Variants in CADPS observed in about 807,000 individuals in gnomAD.
CADPS encodes calcium-dependent secretion activator 1.
CADPS carries 57 observed loss-of-function variants against 167.3 expected under a neutral mutation model. That is an observed-to-expected ratio of 0.34 (90% CI 0.28 to 0.42). CADPS has a LOEUF of 0.42. Among genes scored for constraint, CADPS ranks in the 20% least tolerant of loss-of-function variants. CADPS has a pLI of 1.00. For synonymous variants in CADPS, 676 were observed against 635.3 expected, an observed-to-expected ratio of 1.06 and a Z score of -0.96; for missense variants, 1,414 against 1,738.1, an observed-to-expected ratio of 0.81 and a Z score of 3.32.
At chr3:62,649,485 A>G (rs1482776770) in intron 5 of CADPS, among the ~76,000 whole-genome samples, 2 of 130,594 alleles carry the variant, frequency 1.5e-5, no homozygotes, top group Non-Finnish European at 3.2e-5. Flanking sequence ...TCCACTTCCT[A>G]TTTCTGTAGA....
In CADPS at chr3:62,557,480, G is replaced by A; in HGVS notation, c.1678C>T (p.Arg560Trp). Residue 560 changes from arginine to tryptophan, a missense_variant, in exon 10 of 30, where the codon CGG (arginine) becomes TGG (tryptophan). This residue lies in a region of CADPS where 157 missense variants were observed against 229.4 expected (regional missense o/e 0.68). Coordinates refer to ENST00000383710, the MANE Select transcript of CADPS (RefSeq NM_003716.4). ...TCCTGAGGCTCCGCTTTCTTCTCCC[G>A]ATAACTGCACATGGCAAACGTGTAC... Reference protein sequence around the residue: ...SQYTFAMCSYREKKAEPQELL... With the variant: ...SQYTFAMCSYWEKKAEPQELL... The A allele has an allele frequency of 1.2e-6, 2 of 1,613,948 alleles. No individual in the cohort carries two copies. The highest frequency in any genetic ancestry group is 1.7e-6 in the Non-Finnish European group (2 of 1,179,882).
intron 1 of CADPS, among the ~76,000 whole-genome samples, chr3:62,844,771 T>C (rs532824906): frequency 4.6e-5 from 7 of 152,298 alleles, no homozygotes; most frequent in Non-Finnish European, 1.0e-4. Flanking sequence ...AGTCACTACT[T>C]TTTTAATGGT....
intron 11 of CADPS, among the ~76,000 whole-genome samples, chr3:62,547,184 G>A (rs1052987945): frequency 4.6e-5 from 7 of 152,068 alleles, no homozygotes; most frequent in Non-Finnish European, 1.0e-4. Flanking sequence ...TCTGTTGCAG[G>A]GATAATAAAG....
Position 62,491,499 on chromosome 3 carries a change from AG to A in CADPS, c.2885-20del, listed in dbSNP as rs1561164564. 6.2e-7 allele frequency: 1 copy of A among 1,611,492 alleles called. No individual in the cohort carries two copies. The highest frequency in any genetic ancestry group is 2.2e-5 in the East Asian group (1 of 44,804). Reference sequence around the variant, plus strand: ...AAATTATCTAGAACAGATAAGCAAAAGCTTGTTAAGAACCCACAGCTACTTT... The same window carrying A: ...AAATTATCTAGAACAGATAAGCAAAACTTGTTAAGAACCCACAGCTACTTT... On this transcript the variant is annotated intron_variant, in intron 20 of 29. Transcript: ENST00000383710.
intron 2 of CADPS, among the ~76,000 whole-genome samples, chr3:62,754,687 G>A (rs2083460963): frequency 6.6e-6 from 1 of 152,112 alleles, no homozygotes; most frequent in African/African-American, 2.4e-5. Context: ...ACAGGGTCTT[G>A]CTGTGTTGCC....
intron 7 of CADPS, among the ~76,000 whole-genome samples, chr3:62,587,548 T>C (rs1347664751): frequency 6.6e-6 from 1 of 152,106 alleles, no homozygotes; most frequent in African/African-American, 2.4e-5. Flanking sequence ...AGACACCCCA[T>C]CCAGGGCCAG....
At chr3:62,423,321 A>G (rs1381634138) in intron 28 of CADPS, among the ~76,000 whole-genome samples, 1 of 152,222 alleles carries the variant, frequency 6.6e-6, no homozygotes, top group Non-Finnish European at 1.5e-5. Flanking sequence ...TTAGCTATGC[A>G]ACACCCATCA....
chr3:62,696,345 G>C (rs1360088616), intron 3 of CADPS, among the ~76,000 whole-genome samples: 1 of 152,104 alleles, frequency 6.6e-6, no homozygotes, highest in Non-Finnish European at 1.5e-5. Context: ...GGCAGCCACA[G>C]TGCCTTCCCC....
At chr3:62,731,805 C>CAAAAAA (rs1212456893) in intron 3 of CADPS, among the ~76,000 whole-genome samples, 1,032 of 27,054 alleles carry the variant, frequency 0.038, 52 homozygotes, top group Non-Finnish European at 0.05. Context: ...TGATCATATG[C>CAAAAAA]AAAAAAAAAA....
intron 6 of CADPS, among the ~76,000 whole-genome samples, chr3:62,596,026 T>C (rs1190273693): frequency 6.6e-6 from 1 of 151,768 alleles, no homozygotes; most frequent in Non-Finnish European, 1.5e-5. Flanking sequence ...AGACAGCCTA[T>C]TGTGGGACCT....
chr3:62,694,842 C>A (rs2079974198), intron 3 of CADPS, among the ~76,000 whole-genome samples: 1 of 151,986 alleles, frequency 6.6e-6, no homozygotes, highest in Non-Finnish European at 1.5e-5. Flanking sequence ...GGAGACACCA[C>A]CCTAAAAAAA....
intron 3 of CADPS, among the ~76,000 whole-genome samples, chr3:62,751,110 T>C (rs1264377950): frequency 6.6e-6 from 1 of 152,166 alleles, no homozygotes; most frequent in Non-Finnish European, 1.5e-5. Context: ...AAGAATTTAT[T>C]GCCACAGTAA....
intron 1 of CADPS, among the ~76,000 whole-genome samples, chr3:62,769,854 T>C (rs1158623278): frequency 6.6e-6 from 1 of 152,152 alleles, no homozygotes; most frequent in African/African-American, 2.4e-5. Context: ...TTAGGCAACC[T>C]ACTTTCCCTA....
At chr3:62,474,079 C>A in intron 24 of CADPS, 94 bp downstream of exon 24, 1 of 804,314 alleles carries the variant, frequency 1.2e-6, no homozygotes, top group Non-Finnish European at 1.9e-6. Flanking sequence ...CTGAAACTAG[C>A]AGACTAGGGT....
At chr3:62,793,822 G>A (rs993126892) in intron 1 of CADPS, among the ~76,000 whole-genome samples, 1 of 152,158 alleles carries the variant, frequency 6.6e-6, no homozygotes, top group African/African-American at 2.4e-5. Context: ...TGATGATTTT[G>A]TTCCTCAAAA....
At chr3:62,448,593 A>AT (rs1263164336) in intron 26 of CADPS, among the ~76,000 whole-genome samples, 1 of 150,672 alleles carries the variant, frequency 6.6e-6, no homozygotes, top group Non-Finnish European at 1.5e-5. Flanking sequence ...TGTGTGTATC[A>AT]TTTTTGGTTC....
chr3:62,450,827 C>T (rs1560543130), intron 26 of CADPS, among the ~76,000 whole-genome samples: 2 of 152,158 alleles, frequency 1.3e-5, no homozygotes, highest in Non-Finnish European at 2.9e-5. Flanking sequence ...TCTGCCTCAA[C>T]AACCTTTTGA....
Position 62,874,987 on chromosome 3 carries a change from C to G in CADPS, c.43G>C (p.Val15Leu). ...ACCTCCTTGCCGCTCTCCTCCTCCACGATCTCATCCGATTCTTCTTCGCTG... is the reference window on the plus strand; with the variant it reads ...ACCTCCTTGCCGCTCTCCTCCTCCAGGATCTCATCCGATTCTTCTTCGCTG... ...SSSEEESDEI[V>L]EEESGKEVLG... The change falls in exon 1 of 30, where the codon GTG becomes CTG. Residue 15 changes from valine (V) to leucine (L), a missense_variant. This residue lies in a region of CADPS where 522 missense variants were observed against 559.5 expected (regional missense o/e 0.93). Transcript: ENST00000383710. The surrounding 1 kb of genome is among the most constrained non-coding windows in gnomAD (Gnocchi z 7.1). 2 of 1,596,250 alleles carry G rather than the reference C, an allele frequency of 1.3e-6. No homozygotes were observed. The highest frequency in any genetic ancestry group is 1.7e-6 in the Non-Finnish European group (2 of 1,171,844).
chr3:62,768,934 C>G (rs550148650), intron 1 of CADPS, among the ~76,000 whole-genome samples: 4 of 152,282 alleles, frequency 2.6e-5, no homozygotes, highest in African/African-American at 9.6e-5. Context: ...GCATGGACTT[C>G]AGCGGCAGAA....
Sources: gnomAD v4.1 joint callset for allele counts (sites outside exome capture counted in the v4.1 genomes callset) on GRCh38, gnomAD v4.1.1 for gene constraint, gnomAD v4.1.1 regional missense constraint, Gnocchi (gnomAD v3.1) non-coding constraint, MANE v1.5 for transcripts, NCBI Gene and HGNC (gene_info 2026-07-23, HGNC 2026-07-21) for gene names.